PSD3: variants seen among roughly 807,000 people sequenced by gnomAD.
PSD3 encodes the protein pleckstrin and Sec7 domain containing 3, also known as PH and SEC7 domain-containing protein 3.
A neutral mutation model predicts 105.5 loss-of-function variants in PSD3; 49 were observed. That is an observed-to-expected ratio of 0.46 (90% CI 0.37 to 0.59). The LOEUF (loss-of-function observed/expected upper bound fraction) is 0.59, where lower values mean the gene tolerates loss of function less well. Ranked by LOEUF, PSD3 falls within the 20% of genes least tolerant of loss-of-function variation. The pLI is 0.00. For synonymous variants in PSD3, 557 were observed against 457.8 expected, an observed-to-expected ratio of 1.22 and a Z score of -2.77; for missense variants, 1,561 against 1,263.8, an observed-to-expected ratio of 1.24 and a Z score of -3.57.
rs1407232801 is a variant in PSD3 at position 19,055,880 on chromosome 8, G to A, written c.324+28326C>T. 2.6e-5 allele frequency among the ~76,000 whole-genome samples: 4 copies of A among 152,308 alleles called. No homozygotes were observed. In the East Asian group the frequency reaches 7.7e-4, roughly 29 times the overall value. ...ACCAAAGGTAGACACAGAAATCAAT[G>A]CAATTCAACACTCAGCCTTGCTGAT... On this transcript the variant is annotated intron_variant, in intron 1 of 1. Coordinates refer to the PSD3 transcript ENST00000521475.
At chr8:18,629,492 C>G (rs541734591) in intron 11 of PSD3, among the ~76,000 whole-genome samples, 5 of 151,904 alleles carry the variant, frequency 3.3e-5, no homozygotes, top group African/African-American at 1.2e-4. Context: ...GTGGGATATC[C>G]AAATAATGGA....
chr8:18,601,356 G>C (rs1804427802), intron 11 of PSD3, among the ~76,000 whole-genome samples: 1 of 146,224 alleles, frequency 6.8e-6, no homozygotes, highest in African/African-American at 2.4e-5. Flanking sequence ...TGCTGAAATA[G>C]ACAGGGAGAG....
intron 9 of PSD3, among the ~76,000 whole-genome samples, chr8:18,752,432 A>T (rs1378820637): frequency 1.6e-4 from 21 of 132,470 alleles, no homozygotes; most frequent in African/African-American, 5.8e-4. Context: ...CAATACCACC[A>T]TCTAATCAGT....
chr8:18,548,432 C>G (rs1419447182), intron 15 of PSD3, among the ~76,000 whole-genome samples: 3 of 152,154 alleles, frequency 2.0e-5, no homozygotes, highest in Non-Finnish European at 2.9e-5. Context: ...AAGCAGTTAT[C>G]TTCAGTCTTT....
intron 9 of PSD3, among the ~76,000 whole-genome samples, chr8:18,716,621 G>T (rs1802616843): frequency 6.6e-6 from 1 of 152,178 alleles, no homozygotes; most frequent in Non-Finnish European, 1.5e-5. Flanking sequence ...CTTTGATAAG[G>T]AGTCTAAATG....
chr8:18,807,674 G>C (rs1180494566), intron 4 of PSD3, among the ~76,000 whole-genome samples: 1 of 152,096 alleles, frequency 6.6e-6, no homozygotes, highest in Non-Finnish European at 1.5e-5. Context: ...TAACATGTAT[G>C]GTAACCCTCA....
At chr8:18,908,594 TCAAA>T (rs1415555075) in intron 2 of PSD3, among the ~76,000 whole-genome samples, 2 of 152,208 alleles carry the variant, frequency 1.3e-5, no homozygotes, top group South Asian at 2.1e-4. Flanking sequence ...CCTGATCATC[TCAAA>T]CAGTCTGTCT....
intron 8 of PSD3, among the ~76,000 whole-genome samples, chr8:18,782,561 C>G (rs1167781037): frequency 6.6e-6 from 1 of 152,102 alleles, no homozygotes; most frequent in East Asian, 1.9e-4. Flanking sequence ...ACAGTGATGG[C>G]AACTCTGGGA....
chr8:18,583,172 C>G (rs577175988), intron 12 of PSD3, among the ~76,000 whole-genome samples: 2 of 152,266 alleles, frequency 1.3e-5, no homozygotes, highest in South Asian at 2.1e-4. Context: ...TGCATGGTGG[C>G]TCACACCTAT....
intron 10 of PSD3, among the ~76,000 whole-genome samples, chr8:18,654,299 T>C (rs1472307163): frequency 3.3e-5 from 5 of 152,174 alleles, no homozygotes; most frequent in Admixed American, 6.5e-5. Context: ...TATTAACCCA[T>C]GTTCCTCCAA....
At chr8:18,848,439 CAAG>C (rs1290916167) in intron 4 of PSD3, among the ~76,000 whole-genome samples, 1 of 152,144 alleles carries the variant, frequency 6.6e-6, no homozygotes, top group East Asian at 1.9e-4. Flanking sequence ...TGAGACCTCC[CAAG>C]AAGAACTGGG....
intron 11 of PSD3, among the ~76,000 whole-genome samples, chr8:18,619,610 T>A (rs1199874985): frequency 6.7e-6 from 1 of 148,850 alleles, no homozygotes; most frequent in African/African-American, 2.5e-5. Flanking sequence ...GCCACTGCAC[T>A]CCAGCCTGGG....
chr8:18,704,615 C>T (rs1275329617), intron 9 of PSD3, among the ~76,000 whole-genome samples: 2 of 152,210 alleles, frequency 1.3e-5, no homozygotes, highest in Admixed American at 1.3e-4. Flanking sequence ...GTTGGGATTA[C>T]AGGCGTGAGC....
chr8:18,708,876 C>A (rs987502757), intron 9 of PSD3, among the ~76,000 whole-genome samples: 2 of 152,148 alleles, frequency 1.3e-5, no homozygotes, highest in Non-Finnish European at 2.9e-5. Flanking sequence ...GAGAGCCACA[C>A]GGGGTAAGAG....
At chr8:18,578,874 C>G (rs767157417) in intron 12 of PSD3, among the ~76,000 whole-genome samples, 1 of 152,012 alleles carries the variant, frequency 6.6e-6, no homozygotes, top group East Asian at 1.9e-4. Context: ...AGGTAAACTG[C>G]CAGATTACCT....
intron 9 of PSD3, among the ~76,000 whole-genome samples, chr8:18,656,510 A>G (rs1808906883): frequency 6.6e-6 from 1 of 152,144 alleles, no homozygotes; most frequent in South Asian, 2.1e-4. Context: ...AGTTTTTATT[A>G]TAAATGTAAC....
At chr8:19,005,839 G>A (rs1490074673) in intron 1 of PSD3, among the ~76,000 whole-genome samples, 2 of 151,640 alleles carry the variant, frequency 1.3e-5, no homozygotes, top group African/African-American at 4.8e-5. Context: ...TATGGTGATG[G>A]GTGCACAACT....
chr8:19,028,228 T>G (rs1482640776), intron 1 of PSD3, among the ~76,000 whole-genome samples: 1 of 151,820 alleles, frequency 6.6e-6, no homozygotes, highest in African/African-American at 2.4e-5. Flanking sequence ...TCACTTTGTG[T>G]GTCTTCTTTC....
chr8:19,062,855 C>T (rs1018392040), intron 1 of PSD3, among the ~76,000 whole-genome samples: 5 of 152,068 alleles, frequency 3.3e-5, no homozygotes, highest in African/African-American at 1.2e-4. Context: ...AATCTTTTTG[C>T]AGAAATCATA....
Sources: gnomAD v4.1 joint callset for allele counts (sites outside exome capture counted in the v4.1 genomes callset) on GRCh38, gnomAD v4.1.1 for gene constraint, MANE v1.5 for transcripts, NCBI Gene and HGNC (gene_info 2026-07-23, HGNC 2026-07-21) for gene names.